LPP: variants seen among roughly 807,000 people sequenced by gnomAD.
LPP encodes LIM domain containing preferred translocation partner in lipoma.
In LPP, 38 loss-of-function variants were observed where a neutral mutation model predicts 60.4. The observed-to-expected ratio is 0.63, with a 90% CI of 0.49 to 0.83. LPP has a LOEUF of 0.83. LPP is among the 40% of genes least tolerant of loss of function. The probability of loss-of-function intolerance (pLI) is 0.00; values close to 1 mark genes in which losing one functional copy is unlikely to be tolerated. For missense variants in LPP, 902 were observed against 783.6 expected (o/e 1.15, Z -1.80); for synonymous variants, 328 against 290.8 (o/e 1.13, Z -1.30).
At chr3:188,819,586 T>C (rs1237359461) in intron 9 of LPP, among the ~76,000 whole-genome samples, 1 of 152,108 alleles carries the variant, frequency 6.6e-6, no homozygotes, top group Non-Finnish European at 1.5e-5. Context: ...AACTACACAA[T>C]TAGGGAATAC....
chr3:188,524,509 T>G (rs558031371), intron 5 of LPP, among the ~76,000 whole-genome samples, 156 bp from the exon 6 acceptor site: 1 of 152,124 alleles, frequency 6.6e-6, no homozygotes, highest in Non-Finnish European at 1.5e-5. Flanking sequence ...TAATTCTATC[T>G]CAGCCTACCT....
intron 1 of LPP, among the ~76,000 whole-genome samples, chr3:188,198,471 G>C (rs1730149575): frequency 6.6e-6 from 1 of 152,198 alleles, no homozygotes; most frequent in Non-Finnish European, 1.5e-5. Flanking sequence ...CCCTTGGTCA[G>C]CTGAAGGGTA....
At chr3:188,249,941 A>T (rs1728553866) in intron 2 of LPP, among the ~76,000 whole-genome samples, 1 of 149,128 alleles carries the variant, frequency 6.7e-6, no homozygotes, top group African/African-American at 2.5e-5. Flanking sequence ...TAGGTCACTT[A>T]TATCATTGCC....
chr3:188,616,470 G>C (rs1844868828), intron 7 of LPP, among the ~76,000 whole-genome samples: 1 of 152,152 alleles, frequency 6.6e-6, no homozygotes, highest in African/African-American at 2.4e-5. Context: ...CCAGTACCAT[G>C]TTGTTTTGGT....
chr3:188,263,759 T>C (rs1734486063), intron 2 of LPP, among the ~76,000 whole-genome samples: 1 of 152,252 alleles, frequency 6.6e-6, no homozygotes, highest in South Asian at 2.1e-4. Flanking sequence ...CCATCACTGA[T>C]AGCATTTTTC....
intron 4 of LPP, among the ~76,000 whole-genome samples, chr3:188,417,247 A>G (rs1786545735): frequency 6.6e-6 from 1 of 152,106 alleles, no homozygotes; most frequent in Non-Finnish European, 1.5e-5. Flanking sequence ...TAGACATATA[A>G]CAGGCACCAC....
intron 8 of LPP, among the ~76,000 whole-genome samples, chr3:188,737,487 A>C (rs1722931007): frequency 6.6e-6 from 1 of 152,200 alleles, no homozygotes; most frequent in Non-Finnish European, 1.5e-5. Flanking sequence ...ACTCCGCTCC[A>C]TTGATCACCC....
At chr3:188,382,255 G>A (rs115288350) in intron 3 of LPP, among the ~76,000 whole-genome samples, 1,536 of 152,204 alleles carry the variant, frequency 0.01, 28 homozygotes, top group African/African-American at 0.035. Context: ...TCACTCAATT[G>A]TGTGAATTGT....
At chr3:188,563,032 C>T (rs910295866) in intron 6 of LPP, among the ~76,000 whole-genome samples, 1 of 151,760 alleles carries the variant, frequency 6.6e-6, no homozygotes, top group Non-Finnish European at 1.5e-5. Context: ...TAGGAGGTTG[C>T]CTGGCCAGAA....
Position 188,182,008 on chromosome 3 carries a change from GC to G in LPP, c.-190+27757del, listed in dbSNP as rs1725163078. Among the ~76,000 whole-genome samples, 2 of 152,246 alleles carry G rather than the reference GC, an allele frequency of 1.3e-5. No homozygotes were observed. The highest frequency in any genetic ancestry group is 2.9e-5 in the Non-Finnish European group (2 of 68,050). Reference sequence around the variant, plus strand: ...CTGGCTTTCTGCTGGGATGCCCACAGCACTTTGGCCAGATCTCTGATATAGA... The same window carrying G: ...CTGGCTTTCTGCTGGGATGCCCACAGACTTTGGCCAGATCTCTGATATAGA... On this transcript the variant is annotated intron_variant, in intron 1 of 11. Coordinates refer to ENST00000617246, the MANE Select transcript of LPP (RefSeq NM_001375462.1). The surrounding 1 kb of genome is among the most constrained non-coding windows in gnomAD (Gnocchi z 4.4).
intron 9 of LPP, among the ~76,000 whole-genome samples, chr3:188,793,260 CA>C (rs1208944131): frequency 6.6e-6 from 1 of 151,252 alleles, no homozygotes; most frequent in Non-Finnish European, 1.5e-5. Context: ...TCTGTTCCCG[CA>C]ACCTATGCCT....
chr3:188,399,252 G>C (rs74947322), intron 3 of LPP, among the ~76,000 whole-genome samples: 5,665 of 152,228 alleles, frequency 0.037, 149 homozygotes, highest in Non-Finnish European at 0.061. Context: ...AACAATAATG[G>C]AGAGCCGTAT....
At chr3:188,264,913 A>G (rs533834998) in intron 2 of LPP, among the ~76,000 whole-genome samples, 5 of 152,296 alleles carry the variant, frequency 3.3e-5, no homozygotes, top group South Asian at 4.1e-4. Context: ...AGATGATTTC[A>G]ACCTGCAATT....
At chr3:188,585,167 T>C (rs1837156565) in intron 6 of LPP, among the ~76,000 whole-genome samples, 1 of 152,200 alleles carries the variant, frequency 6.6e-6, no homozygotes, top group South Asian at 2.1e-4. Context: ...AGAGAACCAG[T>C]GACTCATTTA....
chr3:188,565,411 G>A (rs1368000676), intron 6 of LPP, among the ~76,000 whole-genome samples: 1 of 151,944 alleles, frequency 6.6e-6, no homozygotes, highest in Non-Finnish European at 1.5e-5. Context: ...CTTTCTGACT[G>A]CCTCTTGCTT....
At position 188,607,402 on chromosome 3, in the gene LPP, TATATATATATATATAA is replaced by T. The variant is rs1298339908; in HGVS notation, c.430-1758_430-1743del. 5.8e-3 allele frequency among the ~76,000 whole-genome samples: 407 copies of T among 70,116 alleles called. 13 individuals carry two copies. The highest frequency in any genetic ancestry group is 0.038 in the East Asian group (32 of 844). 46.0% of individuals were successfully genotyped at this position (70,116 alleles called of 152,430 possible). ...ATATATATATATATATATATATATATATATATATATATATAATTTTTTTTTCCTTTGCAGTTTTACG... is the reference window on the plus strand; with the variant it reads ...ATATATATATATATATATATATATATTTTTTTTTTCCTTTGCAGTTTTACG... On this transcript the variant is annotated intron_variant, in intron 6 of 11. Transcript: ENST00000617246.
chr3:188,516,997 T>C (rs1366744379), intron 5 of LPP, among the ~76,000 whole-genome samples: 1 of 152,224 alleles, frequency 6.6e-6, no homozygotes, highest in African/African-American at 2.4e-5. Context: ...TTACTTTTGA[T>C]CAAAGTACTT....
rs1420693434 is a variant in LPP at position 188,884,347 on chromosome 3, A to G, written c.*9868A>G. The G allele has an allele frequency of 8.7e-6, 2 of 230,510 alleles. No individual in the cohort carries two copies. Among genetic ancestry groups the G allele is most frequent in the Non-Finnish European group, 1.7e-5 (2 of 116,456 alleles). 14.3% of individuals were successfully genotyped at this position (230,510 alleles called of 1,614,324 possible). On this transcript the variant is annotated 3_prime_UTR_variant, in exon 12 of 12. Coordinates refer to ENST00000617246, the MANE Select transcript of LPP (RefSeq NM_001375462.1). ...TTAGAGGACAATATCGACTTCTTAC[A>G]GACTACCAAGCCCCCAGTCATCCAG...
At chr3:188,490,463 C>T (rs573354475) in intron 5 of LPP, among the ~76,000 whole-genome samples, 6 of 151,726 alleles carry the variant, frequency 4.0e-5, no homozygotes, top group South Asian at 4.2e-4. Flanking sequence ...TGGGTTCAAG[C>T]GATTCTCCTG....
Sources: allele counts gnomAD v4.1 joint callset (sites outside exome capture counted in the v4.1 genomes callset), GRCh38; gene constraint gnomAD v4.1.1; non-coding constraint Gnocchi (gnomAD v3.1); transcripts MANE v1.5; gene names NCBI Gene and HGNC (gene_info 2026-07-23, HGNC 2026-07-21).